The following MTCL2 variants were observed in gnomAD, a reference collection of about 807,000 sequenced individuals.
MTCL2 encodes the protein microtubule crosslinking factor 2, also known as microtubule cross-linking factor 2.
the MTCL2 span, among the ~76,000 whole-genome samples, chr20:36,845,726 G>C: frequency 6.6e-6 from 1 of 152,222 alleles, no homozygotes; most frequent in Non-Finnish European, 1.5e-5. Context: ...TTCTGTTCCA[G>C]AGGTTCACAG....
At chr20:36,798,711 C>T in the MTCL2 span, among the ~76,000 whole-genome samples, 1,290 of 152,234 alleles carry the variant, frequency 8.5e-3, 11 homozygotes, top group Middle Eastern at 0.02. Flanking sequence ...GGGGTCAGGC[C>T]GAGGGCAGAC....
chr20:36,839,310 G>A, the MTCL2 span: 552,044 of 1,612,526 alleles, frequency 0.34, 100,091 homozygotes, highest in Middle Eastern at 0.43. The surrounding 1 kb of genome is among the most constrained non-coding windows in gnomAD (Gnocchi z 5.1). Context: ...TGCGCAGCCG[G>A]TACTGCAGGA....
the MTCL2 span, among the ~76,000 whole-genome samples, chr20:36,812,460 T>A: frequency 1.9e-3 from 287 of 152,320 alleles, 2 homozygotes; most frequent in Non-Finnish European, 2.3e-3. Flanking sequence ...CCCAGTGGAA[T>A]TTAGTACAGA....
chr20:36,797,013 A>G, the MTCL2 span: 1 of 1,466,578 alleles, frequency 6.8e-7, no homozygotes. Context: ...AGGGCATGGA[A>G]CAAGAGACCA....
At chr20:36,811,151 A>G in the MTCL2 span, among the ~76,000 whole-genome samples, 1 of 152,150 alleles carries the variant, frequency 6.6e-6, no homozygotes, top group Non-Finnish European at 1.5e-5. Context: ...TATATCTTCT[A>G]TATCTGTTTT....
chr20:36,804,354 T>G, the MTCL2 span, among the ~76,000 whole-genome samples: 1 of 152,180 alleles, frequency 6.6e-6, no homozygotes, highest in East Asian at 1.9e-4. Context: ...GGGGGCACGC[T>G]GGGGAGTTGG....
At chr20:36,787,184 T>C in the MTCL2 span, among the ~76,000 whole-genome samples, 1 of 152,020 alleles carries the variant, frequency 6.6e-6, no homozygotes. Flanking sequence ...CTCTGTACCA[T>C]TTCACTAGAT....
At chr20:36,853,818 A>G in the MTCL2 span, among the ~76,000 whole-genome samples, 1 of 151,922 alleles carries the variant, frequency 6.6e-6, no homozygotes, top group Non-Finnish European at 1.5e-5. Context: ...TCTCCCATTC[A>G]AGGCCTTACC....
chr20:36,812,893 G>A, the MTCL2 span: 1 of 1,574,374 alleles, frequency 6.4e-7, no homozygotes, highest in Non-Finnish European at 8.6e-7. Flanking sequence ...CCATGGGGAG[G>A]GGCCCGAGGG....
the MTCL2 span, among the ~76,000 whole-genome samples, chr20:36,796,423 G>T: frequency 1.3e-5 from 2 of 152,206 alleles, no homozygotes; most frequent in African/African-American, 4.8e-5. Context: ...TCCTTTCATG[G>T]GTTTCCTAAC....
chr20:36,809,868 C>T, the MTCL2 span: 2 of 1,348,124 alleles, frequency 1.5e-6, no homozygotes, highest in Non-Finnish European at 1.0e-6. Flanking sequence ...GCCACCACAC[C>T]CAGCCTCCCC....
the MTCL2 span, among the ~76,000 whole-genome samples, chr20:36,847,176 C>T: frequency 6.6e-6 from 1 of 152,222 alleles, no homozygotes; most frequent in East Asian, 1.9e-4. Flanking sequence ...TCAGAAGCTT[C>T]GCAGAGCTGC....
chr20:36,826,211 G>A, the MTCL2 span, among the ~76,000 whole-genome samples: 158 of 149,458 alleles, frequency 1.1e-3, no homozygotes, highest in African/African-American at 3.6e-3. Context: ...GGGTTTCACC[G>A]TGTTAGCCAG....
the MTCL2 span, chr20:36,863,097 C>T: frequency 7.1e-7 from 1 of 1,400,722 alleles, no homozygotes; most frequent in Non-Finnish European, 9.3e-7. The surrounding 1 kb of genome is among the most constrained non-coding windows in gnomAD (Gnocchi z 6.2). Context: ...CACACCCGCA[C>T]CGCGCGCCCC....
the MTCL2 span, among the ~76,000 whole-genome samples, chr20:36,854,100 C>A: frequency 6.6e-6 from 1 of 152,166 alleles, no homozygotes; most frequent in Non-Finnish European, 1.5e-5. Flanking sequence ...GACACCCCAG[C>A]ACTTCACACC....
the MTCL2 span, among the ~76,000 whole-genome samples, chr20:36,845,403 C>G: frequency 1.3e-5 from 2 of 152,282 alleles, no homozygotes; most frequent in African/African-American, 4.8e-5. Flanking sequence ...CTGCCCTTCA[C>G]CACAGTCAAT....
At chr20:36,839,454 G>A in the MTCL2 span, 3 of 1,610,866 alleles carry the variant, frequency 1.9e-6, no homozygotes, top group Admixed American at 3.3e-5. The surrounding 1 kb of genome is among the most constrained non-coding windows in gnomAD (Gnocchi z 5.1). Context: ...GCGGAGGGAA[G>A]GAAGAGTCAG....
the MTCL2 span, among the ~76,000 whole-genome samples, chr20:36,820,895 A>G: frequency 6.6e-6 from 1 of 152,190 alleles, no homozygotes; most frequent in Non-Finnish European, 1.5e-5. Flanking sequence ...ATGAGACTAG[A>G]GAAAGACCTG....
At chr20:36,809,678 C>T in the MTCL2 span, among the ~76,000 whole-genome samples, 1 of 150,872 alleles carries the variant, frequency 6.6e-6, no homozygotes, top group South Asian at 2.1e-4. Flanking sequence ...TGGGTTCAAG[C>T]GGTTCTCTTG....
Sources: gnomAD v4.1 joint callset for allele counts (sites outside exome capture counted in the v4.1 genomes callset) on GRCh38, gnomAD v4.1.1 for gene constraint, Gnocchi (gnomAD v3.1) non-coding constraint, MANE v1.5 for transcripts, NCBI Gene and HGNC (gene_info 2026-07-23, HGNC 2026-07-21) for gene names.